RTN4: variants seen among roughly 807,000 people sequenced by gnomAD.
The protein encoded by RTN4 is reticulon-4.
A neutral mutation model predicts 90.4 loss-of-function variants in RTN4; 32 were observed. The ratio of observed to expected loss-of-function variants is 0.35; its 90% confidence interval spans 0.27 to 0.48. The LOEUF (loss-of-function observed/expected upper bound fraction) is 0.48. Ranked by LOEUF, RTN4 falls within the 20% of genes least tolerant of loss-of-function variation. The pLI, the probability that RTN4 is intolerant of heterozygous loss-of-function variation, is 0.99. For synonymous variants in RTN4, 629 were observed against 552.5 expected (o/e 1.14, Z -1.94); for missense variants, 1,706 against 1,430.2 (o/e 1.19, Z -3.11).
At chr2:55,114,499 G>C (rs144488458), upstream of RTN4, among the ~76,000 whole-genome samples, 140 of 152,290 alleles carry the variant, frequency 9.2e-4, no homozygotes, top group African/African-American at 3.2e-3. Context: ...AGGAGTTCGA[G>C]ACCAGCCTGG....
At chr2:55,133,863 C>A in the RTN4 span, among the ~76,000 whole-genome samples, 1 of 152,092 alleles carries the variant, frequency 6.6e-6, no homozygotes, top group South Asian at 2.1e-4. Flanking sequence ...ACAGGAAGAG[C>A]GAGCCAAGAG....
the RTN4 span, among the ~76,000 whole-genome samples, chr2:55,119,553 T>C: frequency 1.3e-5 from 2 of 152,234 alleles, no homozygotes; most frequent in African/African-American, 2.4e-5. Flanking sequence ...AATTTCATAA[T>C]GCCTTGGATT....
intron 1 of RTN4, among the ~76,000 whole-genome samples, chr2:55,084,514 A>T (rs1668801458): frequency 6.6e-6 from 1 of 152,142 alleles, no homozygotes; most frequent in South Asian, 2.1e-4. Flanking sequence ...CCATTCTAGC[A>T]AATGATTGAA....
In RTN4 at chr2:54,987,689, A is replaced by G. The variant is rs761507292; in HGVS notation, c.3023T>C (p.Leu1008Pro). ...AELSKTSVVD[L>P]LYWRDIKKTG... ...CTTCTTAATGTCTCTCCAGTACAGG[A>G]GGTCAACAACTAAAAATTGAAAAAG... The change falls in exon 4 of 9, where the codon CTC (leucine) becomes CCC (proline). Residue 1008 changes from leucine to proline, a missense_variant. Transcript: ENST00000337526. The G allele has an allele frequency of 6.2e-7, 1 of 1,612,510 alleles. No individual in the cohort carries two copies. Among genetic ancestry groups the G allele is most frequent in the Non-Finnish European group, 8.5e-7 (1 of 1,178,878 alleles).
At chr2:54,982,340 T>C (rs750483990) in intron 5 of RTN4, among the ~76,000 whole-genome samples, 175 bp downstream of exon 5, 4 of 152,136 alleles carry the variant, frequency 2.6e-5, no homozygotes, top group Non-Finnish European at 5.9e-5. Flanking sequence ...AAAAAGGGAA[T>C]AGCACTTCTT....
At chr2:55,040,357 G>A (rs1416353065) in intron 1 of RTN4, among the ~76,000 whole-genome samples, 2 of 151,926 alleles carry the variant, frequency 1.3e-5, no homozygotes. Context: ...AGCATCTTTG[G>A]TAACCTCTTC....
intron 3 of RTN4, among the ~76,000 whole-genome samples, chr2:55,010,761 CTAA>C (rs1289895798): frequency 1.8e-4 from 27 of 152,300 alleles, no homozygotes; most frequent in African/African-American, 6.3e-4. Flanking sequence ...AGTCAAATTA[CTAA>C]TGTTTATTGA....
In RTN4 at chr2:54,974,734, C is replaced by T; in HGVS notation, c.3391G>A (p.Val1131Ile). Residue 1131 changes from valine to isoleucine, a missense_variant, in exon 6 of 9, where the codon GTT becomes ATT. By Grantham distance (29) the Val-to-Ile change is conservative. Transcript: ENST00000337526. ...FAVLMWVFTY[V>I]GALFNGLTLL... ...GTCAGACCATTAAACAAGGCACCAACATAGGTAAATACCCACATCAACACT... is the reference window on the plus strand; with the variant it reads ...GTCAGACCATTAAACAAGGCACCAATATAGGTAAATACCCACATCAACACT... 1 of 1,614,042 alleles carries T rather than the reference C, an allele frequency of 6.2e-7. No individual in the cohort carries two copies. Among genetic ancestry groups the T allele is most frequent in the Non-Finnish European group, 8.5e-7 (1 of 1,179,878 alleles).
chr2:55,028,819 G>T (rs569280452), intron 1 of RTN4, among the ~76,000 whole-genome samples: 1 of 152,112 alleles, frequency 6.6e-6, no homozygotes, highest in South Asian at 2.1e-4. Context: ...CCTTTAGGAT[G>T]ACACCATTAT....
intron 3 of RTN4, among the ~76,000 whole-genome samples, chr2:55,006,266 T>C (rs1031606552): frequency 6.6e-6 from 1 of 152,144 alleles, no homozygotes; most frequent in African/African-American, 2.4e-5. Flanking sequence ...CTAGAAAATG[T>C]ATCTAATGAA....
chr2:55,086,166 AG>A (rs1558874062), intron 1 of RTN4, among the ~76,000 whole-genome samples: 1 of 152,246 alleles, frequency 6.6e-6, no homozygotes, highest in Non-Finnish European at 1.5e-5. Flanking sequence ...ACAAAGATCA[AG>A]ATGCCTAGCT....
the RTN4 span, among the ~76,000 whole-genome samples, chr2:55,124,007 T>C: frequency 6.6e-6 from 1 of 152,142 alleles, no homozygotes; most frequent in African/African-American, 2.4e-5. Flanking sequence ...GTATCCTTAT[T>C]GTACTGGCCC....
At chr2:55,064,745 A>G (rs1026309807) in intron 2 of RTN4, among the ~76,000 whole-genome samples, 2 of 152,252 alleles carry the variant, frequency 1.3e-5, no homozygotes, top group Non-Finnish European at 2.9e-5. Context: ...AAAAATGTTC[A>G]TGAGTGAGAA....
chr2:55,105,618 T>G (rs145962166), intron 1 of RTN4, among the ~76,000 whole-genome samples: 1 of 152,200 alleles, frequency 6.6e-6, no homozygotes, highest in African/African-American at 2.4e-5. Flanking sequence ...TTCCCCATTC[T>G]CCCTTGCTGT....
At chr2:55,013,395 T>C (rs1203521356) in intron 3 of RTN4, among the ~76,000 whole-genome samples, 2 of 152,136 alleles carry the variant, frequency 1.3e-5, no homozygotes, top group East Asian at 1.9e-4. Context: ...CCATAATGTC[T>C]TTCCTTTGCA....
At chr2:54,983,312 T>C (rs1048044620) in intron 4 of RTN4, among the ~76,000 whole-genome samples, 13 of 140,416 alleles carry the variant, frequency 9.3e-5, no homozygotes, top group South Asian at 2.4e-4. Context: ...TTTAAAAGTA[T>C]TGTATTGGTA....
intron 2 of RTN4, among the ~76,000 whole-genome samples, chr2:55,066,576 C>A (rs2105010868): frequency 6.6e-6 from 1 of 152,144 alleles, no homozygotes; most frequent in South Asian, 2.1e-4. Flanking sequence ...CACCTGTAAT[C>A]CCAGCTACTC....
At chr2:55,085,362 A>G (rs1573507794) in intron 1 of RTN4, among the ~76,000 whole-genome samples, 1 of 152,082 alleles carries the variant, frequency 6.6e-6, no homozygotes, top group Non-Finnish European at 1.5e-5. Flanking sequence ...AATCTGTTCC[A>G]AGGAACTGGC....
intron 1 of RTN4, among the ~76,000 whole-genome samples, chr2:55,040,665 G>A (rs1425334484): frequency 1.3e-5 from 2 of 151,904 alleles, no homozygotes; most frequent in Non-Finnish European, 2.9e-5. Context: ...AAACTCCTCT[G>A]GTTTTAAGAG....
Sources: allele counts gnomAD v4.1 joint callset (sites outside exome capture counted in the v4.1 genomes callset), GRCh38; gene constraint gnomAD v4.1.1; transcripts MANE v1.5; gene names NCBI Gene and HGNC (gene_info 2026-07-23, HGNC 2026-07-21).